The following PHC3 variants were observed in gnomAD, a reference collection of about 807,000 sequenced individuals.
PHC3 encodes polyhomeotic homolog 3.
Under a neutral mutation model 107.4 loss-of-function variants are expected in PHC3, and 13 were observed. That is an observed-to-expected ratio of 0.12 (90% CI 0.08 to 0.19). The LOEUF (loss-of-function observed/expected upper bound fraction) is 0.19. Ranked by LOEUF, PHC3 falls within the 10% of genes least tolerant of loss-of-function variation. The pLI, the probability that PHC3 is intolerant of heterozygous loss-of-function variation, is 1.00. For missense variants in PHC3, 992 were observed against 1,210.9 expected, an observed-to-expected ratio of 0.82 and a Z score of 2.68; for synonymous variants, 456 against 427.4, an observed-to-expected ratio of 1.07 and a Z score of -0.83.
chr3:170,096,435 G>A lies in PHC3; in HGVS notation c.*795C>T, dbSNP rs1202082072. The stretch of plus-strand genomic sequence containing the variant: ...TGTCCTGTGCATTATAAGATGTTTA[G>A]AAACATCTCTGGCTTCTAACTACTA... On this transcript the variant is annotated 3_prime_UTR_variant, in exon 15 of 15. Coordinates refer to ENST00000495893, the MANE Select transcript of PHC3 (RefSeq NM_024947.4). 1 of 151,912 alleles carries A rather than the reference G, an allele frequency of 6.6e-6. No homozygotes were observed. The highest frequency in any genetic ancestry group is 3.2e-3 in the Middle Eastern group (1 of 316). The allele number at this position is 151,912 out of a possible 1,614,324, so 9.4% of individuals were successfully genotyped here.
chr3:170,181,008 G>A (rs1043591038), intron 1 of PHC3, among the ~76,000 whole-genome samples: 4 of 152,240 alleles, frequency 2.6e-5, no homozygotes, highest in African/African-American at 7.2e-5. Flanking sequence ...CCAGGAAACA[G>A]TAAGTTCTGG....
chr3:170,159,420 G>C (rs920000800), intron 4 of PHC3, among the ~76,000 whole-genome samples: 4 of 151,942 alleles, frequency 2.6e-5, no homozygotes, highest in African/African-American at 7.2e-5. Context: ...AAAAGTCAAA[G>C]AAAGGGCTAA....
chr3:170,139,752 G>A (rs1002691319), intron 6 of PHC3, among the ~76,000 whole-genome samples: 1 of 152,044 alleles, frequency 6.6e-6, no homozygotes, highest in Non-Finnish European at 1.5e-5. Flanking sequence ...AAACATGAAC[G>A]CTACACTGCC....
At position 170,097,256 on chromosome 3, in the gene PHC3, G is replaced by A. The variant is rs373572852; in HGVS notation, c.2962C>T (p.Arg988Cys). Reference sequence around the variant, plus strand: ...TAAGATTCCTTCAGAGAGTTGATGCGTGCACAGATCTTCAGGGCTGGGCCT... The same window carrying A: ...TAAGATTCCTTCAGAGAGTTGATGCATGCACAGATCTTCAGGGCTGGGCCT... ...KLGPALKICARINSLKES is the reference protein window; with the variant it reads ...KLGPALKICACINSLKES Residue 988 changes from arginine (R) to cysteine (C), a missense_variant, in exon 15 of 15, where the codon CGC becomes TGC. Arg to Cys is a radical substitution (Grantham distance 180). Transcript: ENST00000495893. This position sits in a 1 kb window ranked among gnomAD's most constrained non-coding sequence, Gnocchi z 4.1. The A allele has an allele frequency of 3.7e-5, 60 of 1,612,678 alleles. No individual in the cohort carries two copies. Among genetic ancestry groups the A allele is most frequent in the Admixed American group, 6.7e-5 (4 of 59,962 alleles).
intron 5 of PHC3, among the ~76,000 whole-genome samples, chr3:170,145,901 T>C (rs1403792049): frequency 6.6e-6 from 1 of 152,182 alleles, no homozygotes; most frequent in Non-Finnish European, 1.5e-5. Flanking sequence ...TAGTCACTAT[T>C]TTGGGACACA....
intron 4 of PHC3, among the ~76,000 whole-genome samples, chr3:170,153,695 G>A (rs560202442): frequency 4.6e-5 from 7 of 151,554 alleles, no homozygotes; most frequent in South Asian, 4.2e-4. Context: ...CCCGGGAAGC[G>A]GAGTTTGCAG....
Position 170,095,679 on chromosome 3 carries a change from AT to A in PHC3, c.*1550del, listed in dbSNP as rs1272100679. ...TTCCTTCAATTACTAAAATATCTCA[AT>A]TGTGGTAATATAAGAAAAGATGAAA... On this transcript the variant is annotated 3_prime_UTR_variant, in exon 15 of 15. Coordinates refer to ENST00000495893, the MANE Select transcript of PHC3 (RefSeq NM_024947.4). The A allele has an allele frequency of 3.9e-5, 6 of 152,150 alleles. No individual in the cohort carries two copies. Among genetic ancestry groups the A allele is most frequent in the African/African-American group, 1.4e-4 (6 of 41,436 alleles). The allele number at this position is 152,150 out of a possible 1,614,324, so 9.4% of individuals were successfully genotyped here.
At chr3:170,124,299 C>G (rs1720924570) in intron 8 of PHC3, among the ~76,000 whole-genome samples, 1 of 152,156 alleles carries the variant, frequency 6.6e-6, no homozygotes, top group Admixed American at 6.5e-5. Context: ...CATTTCCCTT[C>G]TTTTATCTAT....
chr3:170,146,644 T>C (rs1441591302), intron 5 of PHC3, among the ~76,000 whole-genome samples: 3 of 149,142 alleles, frequency 2.0e-5, no homozygotes, highest in Admixed American at 2.0e-4. Flanking sequence ...GCGATTCTCC[T>C]GCCTCAGCTT....
intron 7 of PHC3, among the ~76,000 whole-genome samples, chr3:170,130,883 C>A (rs1199301124): frequency 1.3e-5 from 2 of 151,972 alleles, no homozygotes; most frequent in Non-Finnish European, 2.9e-5. Context: ...AAATTACACA[C>A]ATTTAACACA....
intron 11 of PHC3, among the ~76,000 whole-genome samples, chr3:170,109,433 A>T (rs1273271414): frequency 1.3e-5 from 2 of 152,170 alleles, no homozygotes; most frequent in African/African-American, 4.8e-5. Context: ...TGACAGAGAC[A>T]TAAGACCCTG....
rs1236607766 is a variant in PHC3 at position 170,091,385 on chromosome 3, C to A, written c.*5845G>T. 6.6e-6 allele frequency: 1 copy of A among 152,088 alleles called. No individual in the cohort carries two copies. Among genetic ancestry groups the A allele is most frequent in the Non-Finnish European group, 1.5e-5 (1 of 68,006 alleles). 9.4% of individuals were successfully genotyped at this position (152,088 alleles called of 1,614,324 possible). ...TTCTATGGATTCATACTGAACACCA[C>A]CAGTATCACTGAGAGGACTAGTACT... On this transcript the variant is annotated 3_prime_UTR_variant, in exon 15 of 15. Transcript: ENST00000495893.
chr3:170,137,175 T>G (rs962567705), intron 6 of PHC3, among the ~76,000 whole-genome samples: 5 of 152,206 alleles, frequency 3.3e-5, no homozygotes, highest in Non-Finnish European at 5.9e-5. Flanking sequence ...GTGAAAATTA[T>G]GAAAAGCATT....
intron 4 of PHC3, among the ~76,000 whole-genome samples, chr3:170,151,098 C>T: frequency 6.6e-6 from 1 of 151,940 alleles, no homozygotes; most frequent in Non-Finnish European, 1.5e-5. Flanking sequence ...GTAATCCCAG[C>T]TACTCAGAAG....
At chr3:170,165,055 C>T (rs1360770496) in intron 4 of PHC3, among the ~76,000 whole-genome samples, 1 of 152,264 alleles carries the variant, frequency 6.6e-6, no homozygotes, top group South Asian at 2.1e-4. Context: ...TCAGTGGAGA[C>T]CATGTGGGGA....
At chr3:170,113,843 G>A (rs1170173779) in intron 10 of PHC3, among the ~76,000 whole-genome samples, 1 of 151,948 alleles carries the variant, frequency 6.6e-6, no homozygotes, top group Non-Finnish European at 1.5e-5. Context: ...TAATCATCCA[G>A]TTATCCTGCA....
chr3:170,090,004 T>G lies in PHC3; in HGVS notation c.*7226A>C, dbSNP rs1713925447. On this transcript the variant is annotated 3_prime_UTR_variant, in exon 15 of 15. Transcript: ENST00000495893. ...AAGCTCTTATATCAACACCAGCTTT[T>G]TTTTTGTTCTGCCACATGCCTTGTA... 2 of 152,048 alleles carry G rather than the reference T, an allele frequency of 1.3e-5. No individual in the cohort carries two copies. Among genetic ancestry groups the G allele is most frequent in the Admixed American group, 1.3e-4 (2 of 15,256 alleles). The allele number at this position is 152,048 out of a possible 1,614,324, so 9.4% of individuals were successfully genotyped here.
At position 170,117,477 on chromosome 3, in the gene PHC3, C is replaced by A; in HGVS notation, c.1943-1G>T. ...GCCACAGCAGGTAATTCCACTTGCT[C>A]TGAAAAAAAAACCAAAAAGTCATTT... On this transcript the variant is annotated splice_acceptor_variant, in intron 9 of 14. Coordinates refer to ENST00000495893, the MANE Select transcript of PHC3 (RefSeq NM_024947.4). LOFTEE classifies it high-confidence loss of function. 2 of 1,584,286 alleles carry A rather than the reference C, an allele frequency of 1.3e-6. No individual in the cohort carries two copies. Among genetic ancestry groups the A allele is most frequent in the Admixed American group, 1.9e-5 (1 of 52,372 alleles).
chr3:170,128,291 G>C, intron 8 of PHC3: 1 of 1,119,592 alleles, frequency 8.9e-7, no homozygotes, highest in South Asian at 1.5e-5. Flanking sequence ...TAAACCATAC[G>C]TTTTGAGAAC....
Sources: allele counts gnomAD v4.1 joint callset (sites outside exome capture counted in the v4.1 genomes callset), GRCh38; gene constraint gnomAD v4.1.1; non-coding constraint Gnocchi (gnomAD v3.1); transcripts MANE v1.5; gene names NCBI Gene and HGNC (gene_info 2026-07-23, HGNC 2026-07-21).